The following HNMT variants were observed in gnomAD, a reference collection of about 807,000 sequenced individuals.
HNMT encodes the protein histamine N-methyltransferase.
Under a neutral mutation model 32.1 loss-of-function variants are expected in HNMT, and 30 were observed. The observed-to-expected ratio is 0.93, with a 90% CI of 0.70 to 1.27. HNMT has a LOEUF of 1.27. HNMT is among the 50% of genes most tolerant of loss of function. HNMT has a pLI of 0.00. For missense variants in HNMT, 327 were observed against 346.0 expected (o/e 0.95, Z 0.43); for synonymous variants, 125 against 119.0 (o/e 1.05, Z -0.33).
At chr2:138,000,229 A>G (rs1042385742) in intron 2 of HNMT, among the ~76,000 whole-genome samples, 1 of 152,046 alleles carries the variant, frequency 6.6e-6, no homozygotes, top group Admixed American at 6.6e-5. Context: ...GCTAACTCCC[A>G]CTTACCCTGG....
At chr2:137,985,990 A>C (rs959597966) in intron 2 of HNMT, among the ~76,000 whole-genome samples, 8 of 152,102 alleles carry the variant, frequency 5.3e-5, no homozygotes, top group African/African-American at 1.9e-4. Flanking sequence ...TAAAATTAAA[A>C]TTAAATAAAA....
chr2:138,004,850 G>C (rs891742169), intron 4 of HNMT, among the ~76,000 whole-genome samples: 1 of 152,052 alleles, frequency 6.6e-6, no homozygotes, highest in Non-Finnish European at 1.5e-5. Context: ...GTGACTAAGT[G>C]TCTCCAGCTA....
At chr2:137,990,614 T>C (rs1292567249) in intron 2 of HNMT, among the ~76,000 whole-genome samples, 2 of 152,190 alleles carry the variant, frequency 1.3e-5, no homozygotes, top group Non-Finnish European at 2.9e-5. Flanking sequence ...TTCTGAGGGA[T>C]ACTGAAAAGC....
chr2:137,970,240 G>T (rs769371662), intron 2 of HNMT, 23 bp downstream of exon 2: 4 of 1,349,282 alleles, frequency 3.0e-6, no homozygotes, highest in South Asian at 1.4e-5. Context: ...TATTTTTAAA[G>T]TTCATATTTC....
chr2:138,003,496 C>T lies in HNMT; in HGVS notation c.429+1302C>T, dbSNP rs551912348. Among the ~76,000 whole-genome samples the T allele has an allele frequency of 2.7e-4, 41 of 152,232 alleles. 1 individual carries two copies. The South Asian group carries it at 7.9e-3, about 29-fold the overall frequency. Reference sequence around the variant, plus strand: ...AGAAATACTCCAATTGTGTCATATACAGGCAATTCTATGTCTCTGCTTCTT... The same window carrying T: ...AGAAATACTCCAATTGTGTCATATATAGGCAATTCTATGTCTCTGCTTCTT... On this transcript the variant is annotated intron_variant, in intron 4 of 5. Coordinates refer to ENST00000280097, the MANE Select transcript of HNMT (RefSeq NM_006895.3).
Position 138,002,069 on chromosome 2 carries a change from G to A in HNMT, c.304G>A (p.Val102Ile). ...AEQIAKYKEL[V>I]AKTSNLENVK... ...ACCTCTTCTCTGTATTTTAGAGCTT[G>A]TAGCCAAGACATCGAACCTCGAGAA... The change falls in exon 4 of 6, where the codon GTA becomes ATA. Residue 102 changes from valine (V) to isoleucine (I), a missense_variant. Val to Ile is a conservative substitution (Grantham distance 29). Transcript: ENST00000280097. 3 of 1,575,728 alleles carry A rather than the reference G, an allele frequency of 1.9e-6. No individual in the cohort carries two copies. Among genetic ancestry groups the A allele is most frequent in the Non-Finnish European group, 2.6e-6 (3 of 1,164,048 alleles).
At chr2:138,000,150 A>G (rs1412232630) in intron 2 of HNMT, among the ~76,000 whole-genome samples, 1 of 151,992 alleles carries the variant, frequency 6.6e-6, no homozygotes, top group Non-Finnish European at 1.5e-5. Context: ...ATACTCTTTT[A>G]TTTTCTGTGT....
chr2:137,983,272 C>T (rs1433268377), intron 2 of HNMT, among the ~76,000 whole-genome samples: 3 of 152,136 alleles, frequency 2.0e-5, no homozygotes, highest in Non-Finnish European at 4.4e-5. Context: ...CTCAGCCTCC[C>T]CTGTCCTCAC....
chr2:138,002,349 G>T, intron 4 of HNMT, 155 bp downstream of exon 4: 1 of 1,065,920 alleles, frequency 9.4e-7, no homozygotes, highest in African/African-American at 1.6e-5. Context: ...AAAAGGTAAA[G>T]ATGTTTATTA....
At chr2:138,000,797 T>C in intron 2 of HNMT, 121 bp from the exon 3 acceptor site, 1 of 529,498 alleles carries the variant, frequency 1.9e-6, no homozygotes, top group South Asian at 3.2e-5. Context: ...CAGTTGAACA[T>C]TATTCTTTAT....
intron 3 of HNMT, 112 bp from the exon 4 acceptor site, chr2:138,001,952 G>T: frequency 1.3e-6 from 1 of 771,782 alleles, no homozygotes; most frequent in East Asian, 3.1e-5. Flanking sequence ...AAAGAAAAAC[G>T]TTCTTTCTAT....
At chr2:137,975,644 G>A (rs185844134) in intron 2 of HNMT, among the ~76,000 whole-genome samples, 245 of 152,252 alleles carry the variant, frequency 1.6e-3, no homozygotes, top group Non-Finnish European at 3.0e-3. Flanking sequence ...TAACACAGAA[G>A]CTTAATACTT....
chr2:138,011,351 A>G (rs1681498477), intron 5 of HNMT, among the ~76,000 whole-genome samples: 1 of 152,110 alleles, frequency 6.6e-6, no homozygotes, highest in Non-Finnish European at 1.5e-5. Flanking sequence ...ATAAATACTC[A>G]CAACCCTCAT....
chr2:137,995,837 A>G (rs1208896191), intron 2 of HNMT, among the ~76,000 whole-genome samples: 1 of 152,186 alleles, frequency 6.6e-6, no homozygotes, highest in Non-Finnish European at 1.5e-5. Context: ...AGTCAGCTTC[A>G]TCCCTGGGAT....
intron 1 of HNMT, among the ~76,000 whole-genome samples, chr2:137,968,167 G>A (rs1558949825): frequency 6.6e-6 from 1 of 152,096 alleles, no homozygotes; most frequent in Non-Finnish European, 1.5e-5. Context: ...GGTGGGGCAG[G>A]GCTTGGGGGC....
intron 5 of HNMT, among the ~76,000 whole-genome samples, chr2:138,006,363 C>T (rs1362964152): frequency 7.9e-5 from 12 of 151,832 alleles, no homozygotes; most frequent in South Asian, 2.1e-4. Flanking sequence ...GTATTGTAGA[C>T]GGAAATAACA....
chr2:137,982,739 G>A (rs1232650003), intron 2 of HNMT, among the ~76,000 whole-genome samples: 1 of 152,120 alleles, frequency 6.6e-6, no homozygotes, highest in Non-Finnish European at 1.5e-5. Context: ...TTTGCTCATC[G>A]ATATTGCTTA....
intron 5 of HNMT, among the ~76,000 whole-genome samples, chr2:138,008,744 C>T (rs1399187203): frequency 6.6e-6 from 1 of 151,910 alleles, no homozygotes; most frequent in African/African-American, 2.4e-5. Context: ...TGAAGCCAGT[C>T]TCCTTCCTTA....
intron 5 of HNMT, among the ~76,000 whole-genome samples, chr2:138,011,572 G>A (rs111756349): frequency 1.6e-4 from 24 of 152,144 alleles, no homozygotes; most frequent in African/African-American, 3.6e-4. Flanking sequence ...ATGCATGAGC[G>A]CCAAGGGTCT....
Sources: allele counts gnomAD v4.1 joint callset (sites outside exome capture counted in the v4.1 genomes callset), GRCh38; gene constraint gnomAD v4.1.1; transcripts MANE v1.5; gene names NCBI Gene and HGNC (gene_info 2026-07-23, HGNC 2026-07-21).